The following CNTN1 variants were observed in gnomAD, a reference collection of about 807,000 sequenced individuals.
The protein encoded by CNTN1 is contactin-1.
Under a neutral mutation model 126.4 loss-of-function variants are expected in CNTN1, and 38 were observed. That is an observed-to-expected ratio of 0.30 (90% CI 0.23 to 0.39). CNTN1 has a LOEUF of 0.39. Among genes scored for constraint, CNTN1 ranks in the 10% least tolerant of loss-of-function variants. CNTN1 has a pLI of 1.00. For missense variants in CNTN1, 1,009 were observed against 1,248.4 expected (o/e 0.81, Z 2.89); for synonymous variants, 413 against 422.6 (o/e 0.98, Z 0.28).
chr12:40,702,124 CAG>C (rs1941611675), intron 1 of CNTN1, among the ~76,000 whole-genome samples: 1 of 147,690 alleles, frequency 6.8e-6, no homozygotes, highest in African/African-American at 2.5e-5. Context: ...TCCCTAGAGA[CAG>C]GGTCTTGCTC....
At chr12:40,980,587 A>C (rs1947796219) in intron 15 of CNTN1, among the ~76,000 whole-genome samples, 1 of 152,204 alleles carries the variant, frequency 6.6e-6, no homozygotes, top group Non-Finnish European at 1.5e-5. Context: ...AGAATTCATT[A>C]AATCATGCTA....
At chr12:41,029,335 A>G (rs112270130) in intron 23 of CNTN1, 116 bp downstream of exon 23, 9 of 1,164,038 alleles carry the variant, frequency 7.7e-6, no homozygotes, top group Middle Eastern at 2.0e-4. Context: ...TCCTAAGTAG[A>G]TTGGACATAT....
At chr12:40,693,864 ATG>A (rs781437543) in intron 1 of CNTN1, among the ~76,000 whole-genome samples, 16 of 152,212 alleles carry the variant, frequency 1.1e-4, no homozygotes, top group Non-Finnish European at 7.3e-5. Context: ...GCGTGAAATA[ATG>A]TTTTTGTAAC....
chr12:40,980,417 C>A (rs1398410512), intron 15 of CNTN1, among the ~76,000 whole-genome samples: 1 of 149,842 alleles, frequency 6.7e-6, no homozygotes. Context: ...CCACTGCACT[C>A]CAGCCTGGGT....
chr12:40,850,410 T>C (rs1214711762), intron 1 of CNTN1, among the ~76,000 whole-genome samples: 1 of 152,160 alleles, frequency 6.6e-6, no homozygotes, highest in African/African-American at 2.4e-5. Context: ...TTCCAAACAG[T>C]GCCCTGCAGG....
chr12:41,059,650 T>TTGCAGGGTCGAGGTGAGAGG (rs1949897881), intron 23 of CNTN1, among the ~76,000 whole-genome samples: 1 of 152,206 alleles, frequency 6.6e-6, no homozygotes, highest in Non-Finnish European at 1.5e-5. Flanking sequence ...AACTGTATCT[T>TTGCAGGGTCGAGGTGAGAGG]ATAAGAATTT....
At chr12:40,872,571 C>CTTTTTTTTTTTTTTTTT (rs35866838) in intron 1 of CNTN1, among the ~76,000 whole-genome samples, 1 of 108,638 alleles carries the variant, frequency 9.2e-6, no homozygotes, top group Non-Finnish European at 1.8e-5. Context: ...TTTTTTCTTT[C>CTTTTTTTTTTTTTTTTT]TTTTTTTTTT....
chr12:40,712,289 A>G (rs1321120527), intron 1 of CNTN1, among the ~76,000 whole-genome samples: 1 of 152,108 alleles, frequency 6.6e-6, no homozygotes, highest in African/African-American at 2.4e-5. Flanking sequence ...TTTATCTTCT[A>G]TTCCTACTGT....
intron 20 of CNTN1, among the ~76,000 whole-genome samples, chr12:41,022,596 G>C (rs73117002): frequency 0.022 from 3,300 of 152,230 alleles, 119 homozygotes; most frequent in African/African-American, 0.075. Context: ...TGGTGATGAT[G>C]ATGATGCTGA....
chr12:40,757,787 TTATC>T (rs1203913399), intron 1 of CNTN1, among the ~76,000 whole-genome samples: 1 of 152,174 alleles, frequency 6.6e-6, no homozygotes, highest in Middle Eastern at 3.2e-3. Context: ...ATAAAACCAT[TTATC>T]TATCTTAAGT....
intron 1 of CNTN1, among the ~76,000 whole-genome samples, chr12:40,856,189 G>A (rs1196979996): frequency 6.6e-6 from 1 of 152,012 alleles, no homozygotes; most frequent in African/African-American, 2.4e-5. Flanking sequence ...CTTTTTCCAA[G>A]TACAACTTGG....
intron 12 of CNTN1, among the ~76,000 whole-genome samples, chr12:40,943,289 T>A (rs1336588148): frequency 6.6e-6 from 1 of 152,138 alleles, no homozygotes; most frequent in Non-Finnish European, 1.5e-5. Context: ...GTTACATTTC[T>A]GGGAGACCGG....
At chr12:40,971,490 G>T in intron 15 of CNTN1, 1 of 1,596,664 alleles carries the variant, frequency 6.3e-7, no homozygotes, top group Non-Finnish European at 8.5e-7. Flanking sequence ...CCCCGTCTGT[G>T]CAAGCCTGCC....
At chr12:41,025,832 T>C (rs1376027020) in intron 21 of CNTN1, among the ~76,000 whole-genome samples, 1 of 152,204 alleles carries the variant, frequency 6.6e-6, no homozygotes, top group African/African-American at 2.4e-5. Flanking sequence ...AGACCGCCTA[T>C]CCCTGCTCAC....
chr12:40,844,068 G>GTTTTTTTTTTTTTTTTTTT (rs1424373022), intron 1 of CNTN1, among the ~76,000 whole-genome samples: 2 of 40,238 alleles, frequency 5.0e-5, no homozygotes, highest in Admixed American at 4.7e-4. Flanking sequence ...TTGGCACAAT[G>GTTTTTTTTTTTTTTTTTTT]ATTTTTTTTT....
chr12:41,027,931 G>C lies in CNTN1; in HGVS notation c.2785G>C (p.Val929Leu). Residue 929 changes from valine to leucine, a missense_variant, in exon 22 of 24, where the codon GTT becomes CTT. Transcript: ENST00000551295. ...CTATATAATCACCTGGGATCATGTC[G>C]TTGCACTATCAAATGAATCTACAGT... is the stretch of plus-strand genomic sequence containing the variant. ...SRYIITWDHV[V>L]ALSNESTVTG... The C allele has an allele frequency of 1.2e-6, 2 of 1,612,616 alleles. No individual in the cohort carries two copies. Among genetic ancestry groups the C allele is most frequent in the Non-Finnish European group, 1.7e-6 (2 of 1,178,688 alleles).
At chr12:40,972,967 C>T (rs1432832030) in intron 15 of CNTN1, among the ~76,000 whole-genome samples, 1 of 151,852 alleles carries the variant, frequency 6.6e-6, no homozygotes, top group Non-Finnish European at 1.5e-5. Context: ...TGTGCTGCAC[C>T]CATTAACTCA....
chr12:40,734,040 A>G (rs983206583), intron 1 of CNTN1, among the ~76,000 whole-genome samples: 2 of 152,150 alleles, frequency 1.3e-5, no homozygotes, highest in African/African-American at 4.8e-5. Context: ...ACTGATTAAC[A>G]TCTTAAGAGC....
At chr12:40,847,807 C>A (rs966456072) in intron 1 of CNTN1, among the ~76,000 whole-genome samples, 2 of 152,196 alleles carry the variant, frequency 1.3e-5, no homozygotes, top group Non-Finnish European at 2.9e-5. Flanking sequence ...ACCGTTTTGG[C>A]ACCAGGGACA....
Sources: allele counts gnomAD v4.1 joint callset (sites outside exome capture counted in the v4.1 genomes callset), GRCh38; gene constraint gnomAD v4.1.1; transcripts MANE v1.5; gene names NCBI Gene and HGNC (gene_info 2026-07-23, HGNC 2026-07-21).